RBMS3: variants seen among roughly 807,000 people sequenced by gnomAD.
RBMS3 encodes the protein RNA-binding motif, single-stranded-interacting protein 3.
In RBMS3, 27 loss-of-function variants were observed where a neutral mutation model predicts 66.8. The ratio of observed to expected loss-of-function variants is 0.40; its 90% confidence interval spans 0.30 to 0.56. The LOEUF is 0.56. Among genes scored for constraint, RBMS3 ranks in the 20% least tolerant of loss-of-function variants. The pLI, the probability that RBMS3 is intolerant of heterozygous loss-of-function variation, is 0.40. For missense variants in RBMS3, 513 were observed against 549.5 expected (o/e 0.93, Z 0.66); for synonymous variants, 188 against 183.0 (o/e 1.03, Z -0.22).
chr3:29,517,325 T>G (rs914859780), intron 3 of RBMS3, among the ~76,000 whole-genome samples: 13 of 117,808 alleles, frequency 1.1e-4, no homozygotes, highest in Non-Finnish European at 1.7e-4. Flanking sequence ...ATATATTTTT[T>G]TTTTGTTTTT....
intron 14 of RBMS3, among the ~76,000 whole-genome samples, chr3:30,000,221 G>C (rs2125400003): frequency 6.6e-6 from 1 of 152,148 alleles, no homozygotes; most frequent in African/African-American, 2.4e-5. Context: ...CCATCAAAAA[G>C]TAAACAAAGG....
At chr3:29,383,342 G>A (rs1032584823) in intron 1 of RBMS3, among the ~76,000 whole-genome samples, 2 of 152,204 alleles carry the variant, frequency 1.3e-5, no homozygotes, top group Non-Finnish European at 2.9e-5. Context: ...ATGCAGAGCT[G>A]TCCTTTTTGA....
chr3:29,378,882 A>G (rs567399537), intron 1 of RBMS3, among the ~76,000 whole-genome samples: 1 of 152,358 alleles, frequency 6.6e-6, no homozygotes, highest in East Asian at 1.9e-4. Flanking sequence ...ATATGGGAAT[A>G]TACTTAATTT....
At chr3:29,587,800 A>G (rs1465767502) in intron 4 of RBMS3, among the ~76,000 whole-genome samples, 1 of 152,010 alleles carries the variant, frequency 6.6e-6, no homozygotes, top group East Asian at 1.9e-4. Context: ...TTTCTAAGAT[A>G]CTTTTAGGTA....
chr3:29,982,479 G>A (rs1463415486), intron 12 of RBMS3, among the ~76,000 whole-genome samples: 1 of 151,894 alleles, frequency 6.6e-6, no homozygotes, highest in African/African-American at 2.4e-5. Flanking sequence ...GTTTGCTCTT[G>A]CTTCTCTAGT....
chr3:29,498,057 C>T (rs1410010434), intron 3 of RBMS3, among the ~76,000 whole-genome samples: 1 of 115,892 alleles, frequency 8.6e-6, no homozygotes, highest in East Asian at 2.9e-4. Context: ...TGCAGTGGTG[C>T]GATCTCAGTT....
chr3:29,667,002 T>C (rs1260444250), intron 4 of RBMS3, among the ~76,000 whole-genome samples: 4 of 152,166 alleles, frequency 2.6e-5, no homozygotes, highest in African/African-American at 9.7e-5. Flanking sequence ...TACTGCCCTG[T>C]CTTGTACTCA....
chr3:29,554,918 T>C (rs974549032), intron 3 of RBMS3, among the ~76,000 whole-genome samples: 10 of 152,244 alleles, frequency 6.6e-5, no homozygotes, highest in African/African-American at 2.4e-4. Flanking sequence ...CATGATTAGA[T>C]TAGTGCTTCA....
intron 4 of RBMS3, among the ~76,000 whole-genome samples, chr3:29,683,903 C>A (rs911411784): frequency 6.6e-6 from 1 of 152,194 alleles, no homozygotes; most frequent in Non-Finnish European, 1.5e-5. Context: ...CCCAGAGCTG[C>A]TGGCTTGCTG....
intron 4 of RBMS3, among the ~76,000 whole-genome samples, chr3:29,678,547 A>G (rs1460907644): frequency 6.6e-6 from 1 of 152,168 alleles, no homozygotes; most frequent in African/African-American, 2.4e-5. Context: ...CATCAGTAGT[A>G]ATCTCCAGAG....
chr3:29,756,851 C>A (rs978141915), intron 5 of RBMS3, among the ~76,000 whole-genome samples: 2 of 152,162 alleles, frequency 1.3e-5, no homozygotes, highest in Non-Finnish European at 2.9e-5. Context: ...GGCCAAGCAT[C>A]AGGGAAGGAG....
intron 4 of RBMS3, among the ~76,000 whole-genome samples, chr3:29,611,863 A>T (rs1344971477): frequency 2.7e-5 from 4 of 150,348 alleles, no homozygotes; most frequent in African/African-American, 9.7e-5. Context: ...ATCAGGTCTC[A>T]TATGTGGATC....
At chr3:29,338,716 C>T (rs1417993276) in intron 1 of RBMS3, among the ~76,000 whole-genome samples, 1 of 147,416 alleles carries the variant, frequency 6.8e-6, no homozygotes, top group East Asian at 2.0e-4. Flanking sequence ...CCTCTCCTCT[C>T]CTCTCTTCTC....
intron 3 of RBMS3, among the ~76,000 whole-genome samples, chr3:29,556,985 T>G (rs1224271505): frequency 2.0e-5 from 3 of 152,174 alleles, no homozygotes; most frequent in Admixed American, 2.0e-4. Context: ...CCACCCTCCA[T>G]GAAACTTTGT....
At chr3:29,858,345 A>G (rs1232626424) in intron 6 of RBMS3, among the ~76,000 whole-genome samples, 2 of 152,220 alleles carry the variant, frequency 1.3e-5, no homozygotes, top group Admixed American at 6.5e-5. Flanking sequence ...TACAGTATGC[A>G]AAGAGCTGTC....
At chr3:29,793,186 G>C (rs1480729834) in intron 6 of RBMS3, among the ~76,000 whole-genome samples, 1 of 150,882 alleles carries the variant, frequency 6.6e-6, no homozygotes, top group Non-Finnish European at 1.5e-5. Flanking sequence ...AGCCCAGATT[G>C]CACCACTGCA....
intron 14 of RBMS3, among the ~76,000 whole-genome samples, chr3:29,998,736 C>A (rs1270512731): frequency 6.6e-6 from 1 of 152,110 alleles, no homozygotes. Flanking sequence ...AAACTGGATC[C>A]CTTCCTTACA....
chr3:29,302,224 C>T (rs1353521550), intron 1 of RBMS3, among the ~76,000 whole-genome samples: 2 of 151,886 alleles, frequency 1.3e-5, no homozygotes, highest in South Asian at 2.1e-4. Context: ...ATTGTCCAAG[C>T]TGGTCCAGAC....
chr3:29,494,082 A>G (rs1432799959), intron 3 of RBMS3, among the ~76,000 whole-genome samples: 1 of 152,206 alleles, frequency 6.6e-6, no homozygotes, highest in African/African-American at 2.4e-5. Context: ...TAGTAATTCA[A>G]TTCTTCATTA....
Sources: gnomAD v4.1 joint callset for allele counts (sites outside exome capture counted in the v4.1 genomes callset) on GRCh38, gnomAD v4.1.1 for gene constraint, MANE v1.5 for transcripts, NCBI Gene and HGNC (gene_info 2026-07-23, HGNC 2026-07-21) for gene names.